Variants in TSACC observed in about 807,000 individuals in gnomAD.
TSACC encodes the protein TSSK6 activating cochaperone.
A neutral mutation model predicts 6.9 loss-of-function variants in TSACC; 3 were observed. The observed-to-expected ratio is 0.43, with a 90% CI of 0.20 to 1.12. TSACC has a LOEUF of 1.12. TSACC is among the 50% of genes most tolerant of loss of function. The pLI is 0.28. For synonymous variants in TSACC, 54 were observed against 55.1 expected (o/e 0.98, Z 0.09); for missense variants, 137 against 143.9 (o/e 0.95, Z 0.24).
At chr1:156,338,167 T>A (rs761995263), upstream of TSACC, 1 of 1,589,182 alleles carries the variant, frequency 6.3e-7, no homozygotes, top group Non-Finnish European at 8.5e-7. Context: ...GCACGAGCAC[T>A]GGACGATGGC....
At chr1:156,341,224 A>G (rs1665866120) in intron 2 of TSACC, among the ~76,000 whole-genome samples, 3 of 152,248 alleles carry the variant, frequency 2.0e-5, no homozygotes, top group African/African-American at 7.2e-5. Context: ...CTAAGGGTAT[A>G]AAGCTAGGCC....
chr1:156,343,676 G>A lies in TSACC; in HGVS notation c.35-904G>A, dbSNP rs139528341. Among the ~76,000 whole-genome samples, 11 of 152,260 alleles carry A rather than the reference G, an allele frequency of 7.2e-5. No individual in the cohort carries two copies. The East Asian group carries it at 2.1e-3, about 29-fold the overall frequency. ...TGTATTGGGTCACAGGCCAATCCTT[G>A]TTAGGGAGAGGGGCTTGATTGTGGT... On this transcript the variant is annotated intron_variant, in intron 2 of 3. Coordinates refer to ENST00000368254, the MANE Select transcript of TSACC (RefSeq NM_001304817.2).
chr1:156,338,899 C>T (rs898380009), intron 1 of TSACC: 1 of 152,706 alleles, frequency 6.5e-6, no homozygotes, highest in African/African-American at 2.4e-5. Flanking sequence ...GAAATGCTTT[C>T]AGTGAGGCTG....
upstream of TSACC, chr1:156,338,319 T>G (rs1665556545): frequency 1.2e-6 from 1 of 818,770 alleles, no homozygotes; most frequent in Non-Finnish European, 2.0e-6. Context: ...CTCAAGGTAG[T>G]CGCCAATCAC....
chr1:156,340,907 G>T (rs749208243), intron 2 of TSACC, among the ~76,000 whole-genome samples: 137 of 152,242 alleles, frequency 9.0e-4, no homozygotes, highest in Admixed American at 1.1e-3. Flanking sequence ...TAGGATCACT[G>T]CCACCTCTGT....
chr1:156,342,810 A>T (rs959564507), intron 2 of TSACC, among the ~76,000 whole-genome samples: 5 of 152,250 alleles, frequency 3.3e-5, no homozygotes, highest in Non-Finnish European at 7.3e-5. Context: ...GCGATGACAC[A>T]TAGGCACTTA....
At chr1:156,344,955 A>T (rs572295248) in intron 3 of TSACC, among the ~76,000 whole-genome samples, 15 of 152,148 alleles carry the variant, frequency 9.9e-5, no homozygotes, top group Admixed American at 4.6e-4. Context: ...TGAACCTCTC[A>T]TTGCTTACTG....
chr1:156,339,591 C>T lies in TSACC; in HGVS notation c.-124-43C>T, dbSNP rs957668490. On this transcript the variant is annotated intron_variant, in intron 1 of 3. Coordinates refer to ENST00000368254, the MANE Select transcript of TSACC (RefSeq NM_001304817.2). ...GCACCAACAGTTCAAGAACAGTCAC[C>T]TGTTTGGCCATGAAATAGAGTTTCC... 38 of 729,960 alleles carry T rather than the reference C, an allele frequency of 5.2e-5. No individual in the cohort carries two copies. The South Asian group carries it at 5.8e-4, about 11-fold the overall frequency. 45.2% of individuals were successfully genotyped at this position (729,960 alleles called of 1,614,324 possible).
At chr1:156,342,852 T>C (rs1665970684) in intron 2 of TSACC, among the ~76,000 whole-genome samples, 1 of 152,226 alleles carries the variant, frequency 6.6e-6, no homozygotes, top group African/African-American at 2.4e-5. Flanking sequence ...GAAAATGAAT[T>C]GTTTTACCAT....
In TSACC at chr1:156,346,819, A is replaced by G. The variant is rs761747166; in HGVS notation, c.215A>G (p.Asn72Ser). 15 of 1,614,000 alleles carry G rather than the reference A, an allele frequency of 9.3e-6. No homozygotes were observed. In the Admixed American group the frequency reaches 2.3e-4, roughly 25 times the overall value. ...CLGLLECMYA[N>S]LQLQTQLAQQ... Reference sequence around the variant, plus strand: ...GGACTCCTGGAATGTATGTATGCAAACCTCCAGCTTCAGACCCAGCTCGCC... The same window carrying G: ...GGACTCCTGGAATGTATGTATGCAAGCCTCCAGCTTCAGACCCAGCTCGCC... The change falls in exon 4 of 4, where the codon AAC becomes AGC. Residue 72 changes from asparagine (N) to serine (S), a missense_variant. Physicochemically the swap from Asn to Ser is conservative, Grantham distance 46. Transcript: ENST00000368254.
upstream of TSACC, chr1:156,338,227 G>A (rs201304186): frequency 4.5e-5 from 70 of 1,565,656 alleles, no homozygotes; most frequent in East Asian, 1.1e-3. Flanking sequence ...TGGGGGAACC[G>A]GCAGAACCTT....
intron 3 of TSACC, 87 bp downstream of exon 3, chr1:156,344,795 A>C (rs568167601): frequency 4.4e-4 from 662 of 1,500,826 alleles, no homozygotes; most frequent in Admixed American, 7.8e-4. Flanking sequence ...CCTATTGATC[A>C]AGAGCCAAAT....
At chr1:156,338,247 G>C, upstream of TSACC, 2 of 1,533,598 alleles carry the variant, frequency 1.3e-6, no homozygotes, top group Non-Finnish European at 8.9e-7. Context: ...TCTGGAGAGA[G>C]AGAACCAGAC....
intron 2 of TSACC, among the ~76,000 whole-genome samples, chr1:156,344,285 A>G (rs772920474): frequency 4.6e-5 from 7 of 152,184 alleles, no homozygotes; most frequent in Non-Finnish European, 1.0e-4. Flanking sequence ...GATACTAAGC[A>G]TCTAAGAAAC....
At chr1:156,344,998 CCT>C (rs1666090314) in intron 3 of TSACC, among the ~76,000 whole-genome samples, 1 of 152,116 alleles carries the variant, frequency 6.6e-6, no homozygotes, top group East Asian at 1.9e-4. Context: ...CAGGTTTACC[CCT>C]GTTCACTTGG....
At chr1:156,346,393 T>C (rs958714108) in intron 3 of TSACC, among the ~76,000 whole-genome samples, 2 of 152,256 alleles carry the variant, frequency 1.3e-5, no homozygotes, top group Middle Eastern at 3.4e-3. Flanking sequence ...TGTTATATGC[T>C]GGGCATTTTT....
At chr1:156,343,661 C>T (rs1167124531) in intron 2 of TSACC, among the ~76,000 whole-genome samples, 1 of 152,166 alleles carries the variant, frequency 6.6e-6, no homozygotes, top group Non-Finnish European at 1.5e-5. Context: ...TGTATTGGGT[C>T]ACAGGCCAAT....
chr1:156,346,648 G>A lies in TSACC; in HGVS notation c.164-120G>A, dbSNP rs1666198657. The A allele has an allele frequency of 2.5e-5, 23 of 905,250 alleles. No homozygotes were observed. The South Asian group carries it at 3.2e-4, about 13-fold the overall frequency. 56.1% of individuals were successfully genotyped at this position (905,250 alleles called of 1,614,324 possible). A position where few individuals can be genotyped will look rare whatever the true frequency, so the allele number is the denominator to read the frequency against. On this transcript the variant is annotated intron_variant, in intron 3 of 3. Transcript: ENST00000368254. ...TGACAGCTGGGCAAAGGTATGTCTG[G>A]GTTGGGTTGTGCCTGGAAAGATTGG...
At chr1:156,343,855 C>G (rs1158457526) in intron 2 of TSACC, among the ~76,000 whole-genome samples, 2 of 152,128 alleles carry the variant, frequency 1.3e-5, no homozygotes, top group Non-Finnish European at 2.9e-5. Context: ...ATTATCCTGC[C>G]TCAGCCTCCC....
Sources: allele counts gnomAD v4.1 joint callset (sites outside exome capture counted in the v4.1 genomes callset), GRCh38; gene constraint gnomAD v4.1.1; transcripts MANE v1.5; gene names NCBI Gene and HGNC (gene_info 2026-07-23, HGNC 2026-07-21).